The following C12orf42 variants were observed in gnomAD, a reference collection of about 807,000 sequenced individuals.
C12orf42 encodes uncharacterized protein C12orf42.
A neutral mutation model predicts 21.6 loss-of-function variants in C12orf42; 25 were observed. The observed-to-expected ratio is 1.16, with a 90% CI of 0.84 to 1.62. C12orf42 has a LOEUF of 1.62. C12orf42 is among the 40% of genes most tolerant of loss of function. The pLI, the probability that C12orf42 is intolerant of heterozygous loss-of-function variation, is 0.00. For synonymous variants in C12orf42, 174 were observed against 175.0 expected, an observed-to-expected ratio of 0.99 and a Z score of 0.05; for missense variants, 483 against 459.3, an observed-to-expected ratio of 1.05 and a Z score of -0.47.
At chr12:103,074,087 A>G in the C12orf42 span, among the ~76,000 whole-genome samples, 3 of 152,186 alleles carry the variant, frequency 2.0e-5, no homozygotes, top group African/African-American at 4.8e-5. Flanking sequence ...GGGCTTCTCT[A>G]CAGACAAATA....
intron 2 of C12orf42, among the ~76,000 whole-genome samples, chr12:103,462,322 G>C (rs1952791336): frequency 6.6e-6 from 1 of 151,580 alleles, no homozygotes; most frequent in Non-Finnish European, 1.5e-5. Context: ...TGTTGGCCAG[G>C]CTGGTCTCGA....
chr12:103,086,651 G>A, the C12orf42 span, among the ~76,000 whole-genome samples: 1 of 151,774 alleles, frequency 6.6e-6, no homozygotes, highest in Non-Finnish European at 1.5e-5. Flanking sequence ...GGCAGCTCCT[G>A]CCGCTTTCTT....
At chr12:103,214,414 T>G in the C12orf42 span, among the ~76,000 whole-genome samples, 43 of 152,152 alleles carry the variant, frequency 2.8e-4, no homozygotes, top group African/African-American at 1.0e-3. Context: ...GGTCTGAACA[T>G]CCTCCTTTCC....
intron 4 of C12orf42, among the ~76,000 whole-genome samples, chr12:103,331,960 G>A (rs922451274): frequency 6.6e-6 from 1 of 152,196 alleles, no homozygotes; most frequent in African/African-American, 2.4e-5. Flanking sequence ...GTACAGCAAT[G>A]GAACTGGGCT....
At chr12:103,511,372 G>C in the C12orf42 span, among the ~76,000 whole-genome samples, 2 of 149,510 alleles carry the variant, frequency 1.3e-5, no homozygotes, top group Non-Finnish European at 3.0e-5. Flanking sequence ...AACTTATATA[G>C]TATACATTTA....
the C12orf42 span, among the ~76,000 whole-genome samples, chr12:103,518,701 C>T: frequency 1.3e-5 from 2 of 152,130 alleles, no homozygotes; most frequent in Non-Finnish European, 2.9e-5. Flanking sequence ...CCACAAATGA[C>T]AAAAACCCTC....
At chr12:103,341,003 C>T (rs755495904) in intron 4 of C12orf42, among the ~76,000 whole-genome samples, 4 of 149,480 alleles carry the variant, frequency 2.7e-5, no homozygotes, top group Admixed American at 6.7e-5. Context: ...GTCCCAGCTA[C>T]TTGGGAGGCT....
chr12:103,521,710 G>A, the C12orf42 span, among the ~76,000 whole-genome samples: 2 of 152,100 alleles, frequency 1.3e-5, no homozygotes, highest in Non-Finnish European at 2.9e-5. Flanking sequence ...TTAAAAAAGA[G>A]AAACTACCCA....
chr12:103,516,977 A>T, the C12orf42 span, among the ~76,000 whole-genome samples: 725 of 152,302 alleles, frequency 4.8e-3, 6 homozygotes, highest in African/African-American at 0.017. Context: ...AGAGCTATTA[A>T]AGGGACTACC....
the C12orf42 span, among the ~76,000 whole-genome samples, chr12:103,071,562 T>C: frequency 6.6e-6 from 1 of 152,114 alleles, no homozygotes. Context: ...CAGGTAGAGA[T>C]AATTGAATCA....
At chr12:103,423,285 C>T (rs931464853) in intron 2 of C12orf42, among the ~76,000 whole-genome samples, 2 of 152,114 alleles carry the variant, frequency 1.3e-5, no homozygotes, top group African/African-American at 2.4e-5. Context: ...GTCTGGCCTG[C>T]CTGAATGCTG....
At chr12:103,439,391 G>C (rs1333780093) in intron 2 of C12orf42, among the ~76,000 whole-genome samples, 1 of 149,534 alleles carries the variant, frequency 6.7e-6, no homozygotes, top group East Asian at 2.0e-4. Context: ...GGCAACAAAA[G>C]ACAAAATTGA....
chr12:103,523,493 T>C, the C12orf42 span, among the ~76,000 whole-genome samples: 1 of 151,870 alleles, frequency 6.6e-6, no homozygotes, highest in Non-Finnish European at 1.5e-5. Flanking sequence ...TTTTAAGTGA[T>C]ATTAAAATAA....
chr12:103,464,192 C>G (rs1011126232), intron 2 of C12orf42, among the ~76,000 whole-genome samples: 3 of 152,182 alleles, frequency 2.0e-5, no homozygotes, highest in African/African-American at 7.2e-5. Flanking sequence ...TTCCCACCAA[C>G]AGTGTAAAAG....
chr12:103,382,449 A>T (rs111726976), intron 3 of C12orf42, among the ~76,000 whole-genome samples: 2,657 of 152,358 alleles, frequency 0.017, 79 homozygotes, highest in African/African-American at 0.061. Flanking sequence ...AGCAGAAAAA[A>T]GTAGAGCAGA....
the C12orf42 span, chr12:103,156,201 T>G: frequency 6.6e-6 from 1 of 152,148 alleles, no homozygotes; most frequent in Admixed American, 6.5e-5. Context: ...CTCTTGACAT[T>G]TAAAAATGTA....
chr12:103,395,695 G>A (rs955700931), intron 3 of C12orf42, among the ~76,000 whole-genome samples: 19 of 152,006 alleles, frequency 1.2e-4, no homozygotes, highest in Non-Finnish European at 2.1e-4. Flanking sequence ...AAAATAGTAC[G>A]AAAGCATCTG....
chr12:103,468,505 T>C (rs996526981), intron 2 of C12orf42, among the ~76,000 whole-genome samples: 1 of 152,228 alleles, frequency 6.6e-6, no homozygotes, highest in Non-Finnish European at 1.5e-5. Context: ...AGTTGTAGCC[T>C]GTAGTTGTTT....
the C12orf42 span, among the ~76,000 whole-genome samples, chr12:103,089,355 C>T: frequency 6.6e-6 from 1 of 152,212 alleles, no homozygotes; most frequent in South Asian, 2.1e-4. Flanking sequence ...TGAGGCAATT[C>T]ATTTGCAGCA....
Sources: gnomAD v4.1 joint callset for allele counts (sites outside exome capture counted in the v4.1 genomes callset) on GRCh38, gnomAD v4.1.1 for gene constraint, MANE v1.5 for transcripts, NCBI Gene and HGNC (gene_info 2026-07-23, HGNC 2026-07-21) for gene names.